The following BUD23 variants were observed in gnomAD, a reference collection of about 807,000 sequenced individuals.
BUD23 encodes BUD23 rRNA methyltransferase and ribosome maturation factor.
Under a neutral mutation model 47.0 loss-of-function variants are expected in BUD23, and 34 were observed. That is an observed-to-expected ratio of 0.72 (90% CI 0.55 to 0.96). The LOEUF is 0.96. Ranked by LOEUF, BUD23 falls within the 40% of genes least tolerant of loss-of-function variation. The pLI is 0.00. For synonymous variants in BUD23, 124 were observed against 132.0 expected (o/e 0.94, Z 0.41); for missense variants, 343 against 361.2 (o/e 0.95, Z 0.41).
Position 73,683,826 on chromosome 7 carries a change from C to A in BUD23, c.86+22C>A, listed in dbSNP as rs572151668. 7 of 1,614,100 alleles carry A rather than the reference C, an allele frequency of 4.3e-6. No homozygotes were observed. The East Asian group carries it at 1.1e-4, about 26-fold the overall frequency. ...GCAAGTGAGGGGAGCCTGAATACTG[C>A]GGGGCGTCCGGGGGTCGGGAAGCGG... is the stretch of plus-strand genomic sequence containing the variant. On this transcript the variant is annotated intron_variant, in intron 2 of 11. Transcript: ENST00000265758.
At position 73,693,606 on chromosome 7, in the gene BUD23, T is replaced by C. The variant is rs370254919; in HGVS notation, c.597-18T>C. 3.1e-6 allele frequency: 5 copies of C among 1,614,064 alleles called. No homozygotes were observed. The South Asian group carries it at 5.5e-5, about 18-fold the overall frequency. On this transcript the variant is annotated intron_variant, in intron 8 of 11. Coordinates refer to ENST00000265758, the MANE Select transcript of BUD23 (RefSeq NM_017528.5). ...GGCTTTCTCCACCCAACCCTCACTT[T>C]GCACTTTCTCCTTTCAGATTCTACC...
Position 73,697,652 on chromosome 7 carries a change from C to G in BUD23, c.749C>G (p.Ala250Gly). 1 of 1,613,592 alleles carries G rather than the reference C, an allele frequency of 6.2e-7. No individual in the cohort carries two copies. The highest frequency in any genetic ancestry group is 8.5e-7 in the Non-Finnish European group (1 of 1,179,912). ...CGGGGAATGGTGAGGAAGAGTCGGGCATGGGTGCTGGAGAAGAAGGAGCGG... is the reference window on the plus strand; with the variant it reads ...CGGGGAATGGTGAGGAAGAGTCGGGGATGGGTGCTGGAGAAGAAGGAGCGG... ...SRRGMVRKSR[A>G]WVLEKKERHR... Residue 250 changes from alanine (A) to glycine (G), a missense_variant, in exon 11 of 12, where the codon GCA (alanine) becomes GGA (glycine). Ala to Gly is a moderately conservative substitution (Grantham distance 60). Coordinates refer to ENST00000265758, the MANE Select transcript of BUD23 (RefSeq NM_017528.5).
At chr7:73,689,030 C>T (rs534509587) in intron 5 of BUD23, among the ~76,000 whole-genome samples, 9 of 152,174 alleles carry the variant, frequency 5.9e-5, no homozygotes, top group African/African-American at 1.2e-4. Flanking sequence ...TGTTTGTCTT[C>T]GGGGAGAGGT....
At chr7:73,685,716 T>G (rs912061745) in intron 2 of BUD23, among the ~76,000 whole-genome samples, 3 of 152,130 alleles carry the variant, frequency 2.0e-5, no homozygotes, top group African/African-American at 7.2e-5. Context: ...GCTGATGACT[T>G]TTTATGTCGA....
chr7:73,697,129 C>T (rs1483059559), intron 10 of BUD23: 3 of 360,564 alleles, frequency 8.3e-6, no homozygotes, highest in Admixed American at 8.8e-5. Flanking sequence ...GGTTACCCCG[C>T]CCTCTTTCCT....
chr7:73,695,968 T>G (rs1798386310), intron 10 of BUD23: 1 of 152,196 alleles, frequency 6.6e-6, no homozygotes, highest in South Asian at 2.1e-4. Flanking sequence ...GAGTGAAAAC[T>G]TGGTGAGGAC....
In BUD23 at chr7:73,693,337, G is replaced by A; in HGVS notation, c.519G>A (p.Leu173=). ...LYPENSEQLE[L]ITTQATKAGF... is the part of the protein sequence containing the mutation. ...TGCCTTTCTTTCCTCAGTTGGAGCT[G>A]ATCACAACCCAGGCCACAAAGGCAG... The change falls in exon 8 of 12, where the codon CTG becomes CTA. Residue 173 remains leucine, a synonymous_variant. Coordinates refer to ENST00000265758, the MANE Select transcript of BUD23 (RefSeq NM_017528.5). 2.5e-6 allele frequency: 4 copies of A among 1,613,988 alleles called. No homozygotes were observed. Among genetic ancestry groups the A allele is most frequent in the Non-Finnish European group, 3.4e-6 (4 of 1,179,944 alleles).
chr7:73,687,626 C>T (rs782319180), intron 5 of BUD23, among the ~76,000 whole-genome samples: 2 of 150,386 alleles, frequency 1.3e-5, no homozygotes, highest in Non-Finnish European at 3.0e-5. Context: ...GTTGCTCAGG[C>T]GATCCACACA....
At chr7:73,690,752 G>A (rs923125383) in intron 5 of BUD23, among the ~76,000 whole-genome samples, 164 bp from the exon 6 acceptor site, 2 of 152,178 alleles carry the variant, frequency 1.3e-5, no homozygotes, top group Non-Finnish European at 2.9e-5. Flanking sequence ...ATTACAGGGC[G>A]TTGAACCACT....
chr7:73,692,748 G>C (rs1276648398), intron 7 of BUD23, 102 bp downstream of exon 7: 2 of 1,216,214 alleles, frequency 1.6e-6, no homozygotes, highest in Non-Finnish European at 2.4e-6. Flanking sequence ...GGCGGGAAAA[G>C]GAGGAAACAT....
intron 2 of BUD23, among the ~76,000 whole-genome samples, chr7:73,684,223 G>A (rs1013077704): frequency 3.3e-5 from 5 of 151,972 alleles, no homozygotes; most frequent in African/African-American, 1.2e-4. Context: ...TTTCATAGAG[G>A]GTAGTTTGTA....
chr7:73,684,318 A>T (rs988171588), intron 2 of BUD23, among the ~76,000 whole-genome samples: 2 of 151,312 alleles, frequency 1.3e-5, no homozygotes, highest in Non-Finnish European at 2.9e-5. Context: ...AGGCGGGAGG[A>T]TCGCTTGAGC....
intron 5 of BUD23, among the ~76,000 whole-genome samples, chr7:73,689,792 C>T (rs181637555): frequency 9.9e-5 from 15 of 152,062 alleles, no homozygotes; most frequent in Admixed American, 2.6e-4. Context: ...TGGCAGGTGA[C>T]GGGATCAGAT....
chr7:73,688,124 C>A (rs1798050696), intron 5 of BUD23, among the ~76,000 whole-genome samples: 1 of 151,920 alleles, frequency 6.6e-6, no homozygotes, highest in Non-Finnish European at 1.5e-5. Flanking sequence ...TCTCAATCTC[C>A]TGACCTCATG....
rs140035550 is a variant in BUD23, at chr7:73,693,824, G to A, written c.642+155G>A. Among the ~76,000 whole-genome samples, 629 of 152,262 alleles carry A rather than the reference G, an allele frequency of 4.1e-3. 3 individuals are homozygous for A. Among genetic ancestry groups the A allele is most frequent in the Non-Finnish European group, 6.2e-3 (424 of 68,002 alleles). Reference sequence around the variant, plus strand: ...GTGCTCACATCCTCTGGAATCTGGAGGCAGAGACCTCTGCTCTGCAGGTCC... The same window carrying A: ...GTGCTCACATCCTCTGGAATCTGGAAGCAGAGACCTCTGCTCTGCAGGTCC... On this transcript the variant is annotated intron_variant, in intron 9 of 11. Transcript: ENST00000265758.
At chr7:73,693,552 G>T (rs782281706) in intron 8 of BUD23, 72 bp from the exon 9 acceptor site, 24 of 1,604,762 alleles carry the variant, frequency 1.5e-5, no homozygotes, top group Non-Finnish European at 1.8e-5. Flanking sequence ...GGGTGCGGGT[G>T]GGGGAGCTGA....
Position 73,693,426 on chromosome 7 carries a change from G to A in BUD23, c.596+12G>A, listed in dbSNP as rs1554614365. ...GCCAAAGCAAAGAAGTGAGCGCTGG[G>A]GGCCGGTGTGCTGCCTGGGCTGCAG... On this transcript the variant is annotated intron_variant, in intron 8 of 11. Coordinates refer to ENST00000265758, the MANE Select transcript of BUD23 (RefSeq NM_017528.5). The A allele has an allele frequency of 1.2e-6, 2 of 1,614,080 alleles. No homozygotes were observed. The highest frequency in any genetic ancestry group is 3.3e-5 in the Admixed American group (2 of 60,020).
At position 73,686,823 on chromosome 7, in the gene BUD23, G is replaced by A. The variant is rs782142319; in HGVS notation, c.188G>A (p.Gly63Asp). The A allele has an allele frequency of 4.3e-6, 7 of 1,614,060 alleles. No individual in the cohort carries two copies. In the African/African-American group the frequency reaches 8.0e-5, roughly 18 times the overall value. The change falls in exon 4 of 12, where the codon GGC becomes GAC. Residue 63 changes from glycine (G) to aspartate (D), a missense_variant. Gly to Asp is a moderately conservative substitution (Grantham distance 94). Coordinates refer to ENST00000265758, the MANE Select transcript of BUD23 (RefSeq NM_017528.5). ...KPCYLLDIGCGTGLSGSYLSD... is the reference protein window; with the variant it reads ...KPCYLLDIGCDTGLSGSYLSD... ...TGTCTGGTCATGTCTTCCAGCTGTG[G>A]CACTGGGCTGAGTGGAAGTTATCTG... is the stretch of plus-strand genomic sequence containing the variant.
intron 5 of BUD23, among the ~76,000 whole-genome samples, chr7:73,687,773 C>T (rs894751353): frequency 2.0e-5 from 3 of 152,150 alleles, no homozygotes; most frequent in East Asian, 1.9e-4. Context: ...AATACACATC[C>T]CATGGGATTT....
Sources: gnomAD v4.1 joint callset for allele counts (sites outside exome capture counted in the v4.1 genomes callset) on GRCh38, gnomAD v4.1.1 for gene constraint, MANE v1.5 for transcripts, NCBI Gene and HGNC (gene_info 2026-07-23, HGNC 2026-07-21) for gene names.